VWF: variants seen among roughly 807,000 people sequenced by gnomAD.
The protein encoded by VWF is von Willebrand factor.
In VWF, 176 loss-of-function variants were observed where a neutral mutation model predicts 308.6. The observed-to-expected ratio is 0.57, with a 90% CI of 0.50 to 0.65. VWF has a LOEUF of 0.65. Among genes scored for constraint, VWF ranks in the 30% least tolerant of loss-of-function variants. VWF has a pLI of 0.00. For synonymous variants in VWF, 1,385 were observed against 1,443.4 expected, an observed-to-expected ratio of 0.96 and a Z score of 0.92; for missense variants, 3,146 against 3,648.2, an observed-to-expected ratio of 0.86 and a Z score of 3.55.
chr12:5,991,287 T>C (rs1343138508), intron 38 of VWF, among the ~76,000 whole-genome samples: 1 of 151,926 alleles, frequency 6.6e-6, no homozygotes, highest in African/African-American at 2.4e-5. Context: ...CAGTAGTATA[T>C]TAAAAAGACT....
At chr12:6,123,355 G>C (rs941381645) in intron 1 of VWF, among the ~76,000 whole-genome samples, 159 bp from the exon 2 acceptor site, 5 of 152,106 alleles carry the variant, frequency 3.3e-5, no homozygotes, top group Non-Finnish European at 7.4e-5. Context: ...ATGGACTTCT[G>C]GCCCCCGAAA....
At position 6,012,290 on chromosome 12, in the gene VWF, CT is replaced by C. The variant is rs1944006077; in HGVS notation, c.5621-161del. On this transcript the variant is annotated intron_variant, in intron 32 of 51. Coordinates refer to ENST00000261405, the MANE Select transcript of VWF (RefSeq NM_000552.5). ...ACAGTGGAGACATAGGGACATGAGG[CT>C]GAGGTGGTCATCCTGTGGTTCTTCA... Among the ~76,000 whole-genome samples the C allele has an allele frequency of 3.3e-5, 5 of 152,342 alleles. No homozygotes were observed. In the South Asian group the frequency reaches 1.0e-3, roughly 32 times the overall value.
In VWF at chr12:6,094,962, G is replaced by A. The variant is rs145594286; in HGVS notation, c.657+498C>T. On this transcript the variant is annotated intron_variant, in intron 6 of 51. Transcript: ENST00000261405. The stretch of plus-strand genomic sequence containing the variant: ...GCTAAGCTCCGCCTCCTGGGTTCAC[G>A]TCATTCTCCTGCCTCAGTCTCCCGA... Among the ~76,000 whole-genome samples, 248 of 142,768 alleles carry A rather than the reference G, an allele frequency of 1.7e-3. 3 individuals carry two copies. The highest frequency in any genetic ancestry group is 5.9e-3 in the African/African-American group (228 of 38,808). 93.7% of individuals were successfully genotyped at this position (142,768 alleles called of 152,430 possible).
intron 47 of VWF, among the ~76,000 whole-genome samples, 160 bp downstream of exon 47, chr12:5,967,325 TG>T (rs1010452956): frequency 1.3e-5 from 2 of 152,332 alleles, no homozygotes; most frequent in Non-Finnish European, 2.9e-5. Context: ...GCATGCAGTT[TG>T]GGTGGGTGAT....
In VWF at chr12:6,110,568, T is replaced by C. The variant is rs374854636; in HGVS notation, c.338A>G (p.Tyr113Cys). The change falls in exon 5 of 52, where the codon TAT (tyrosine) becomes TGT (cysteine). Residue 113 changes from tyrosine (Y) to cysteine (C), a missense_variant. This residue lies in a region of VWF where 1,304 missense variants were observed against 1,353.0 expected (regional missense o/e 0.96). Transcript: ENST00000261405. The stretch of plus-strand genomic sequence containing the variant: ...TTCTAGATACAGCCCTTTGGAGGCA[T>C]AGGGCATGGAGACTCTGGAGGGCAA... ...TQGDQRVSMP[Y>C]ASKGLYLETE... 2.0e-5 allele frequency: 32 copies of C among 1,614,016 alleles called. No individual in the cohort carries two copies. Among genetic ancestry groups the C allele is most frequent in the Non-Finnish European group, 2.5e-5 (30 of 1,180,008 alleles).
intron 38 of VWF, 31 bp downstream of exon 38, chr12:5,991,788 C>A: frequency 1.8e-5 from 29 of 1,611,640 alleles, no homozygotes; most frequent in East Asian, 2.2e-5. Flanking sequence ...GGGAAGCAGC[C>A]CCATGGGAAG....
chr12:5,984,657 C>T (rs941295379), intron 40 of VWF, among the ~76,000 whole-genome samples: 2 of 152,224 alleles, frequency 1.3e-5, no homozygotes, highest in Non-Finnish European at 2.9e-5. Context: ...AGCATGAAAA[C>T]CTCTAGCAAA....
At chr12:6,039,878 G>A (rs36077772) in intron 18 of VWF, among the ~76,000 whole-genome samples, 1 of 152,088 alleles carries the variant, frequency 6.6e-6, no homozygotes, top group Non-Finnish European at 1.5e-5. Flanking sequence ...CCACCAAGAG[G>A]CTCCTAATAC....
At chr12:6,076,893 C>G (rs554832871) in intron 6 of VWF, among the ~76,000 whole-genome samples, 2 of 152,296 alleles carry the variant, frequency 1.3e-5, no homozygotes, top group South Asian at 4.1e-4. Flanking sequence ...CATCTGCTCA[C>G]CGTTCTCGAA....
At position 6,019,349 on chromosome 12, in the gene VWF, T is replaced by G; in HGVS notation, c.4069A>C (p.Thr1357Pro). Residue 1357 changes from threonine (T) to proline (P), a missense_variant, in exon 28 of 52, where the codon ACC becomes CCC. By Grantham distance (38) the Thr-to-Pro change is conservative. Around this residue, in one of 3 missense-constraint regions of VWF, gnomAD observed 853 missense variants for 1,177.8 expected, o/e 0.72. Transcript: ENST00000261405. The surrounding 1 kb of genome is among the most constrained non-coding windows in gnomAD (Gnocchi z 5.8). ...AGTGTGTATTTCAAGACCTCGCTGGTGGAGGCCACCTGGCTGCCCGCATAC... is the reference window on the plus strand; with the variant it reads ...AGTGTGTATTTCAAGACCTCGCTGGGGGAGGCCACCTGGCTGCCCGCATAC... ...VKYAGSQVAS[T>P]SEVLKYTLFQ... is the part of the protein sequence containing the mutation. 6.2e-7 allele frequency: 1 copy of G among 1,613,954 alleles called. No homozygotes were observed. The highest frequency in any genetic ancestry group is 8.5e-7 in the Non-Finnish European group (1 of 1,179,868).
chr12:5,964,250 G>GCATACATACATACATACATGCATACATA (rs1943365364), intron 47 of VWF, among the ~76,000 whole-genome samples: 6 of 122,412 alleles, frequency 4.9e-5, no homozygotes, highest in East Asian at 2.0e-4. Context: ...ATACATACAT[G>GCATACATACATACATACATGCATACATA]CATACATACA....
In VWF at chr12:6,060,716, A is replaced by G. The variant is rs984517122; in HGVS notation, c.1533+2238T>C. On this transcript the variant is annotated intron_variant, in intron 13 of 51. Transcript: ENST00000261405. This position sits in a 1 kb window ranked among gnomAD's most constrained non-coding sequence, Gnocchi z 5.1. ...GCTAAACTGACACAAACCCACCCCA[A>G]AGATAACCCTACATCCCCTCCCACA... is the stretch of plus-strand genomic sequence containing the variant. 1.3e-5 allele frequency among the ~76,000 whole-genome samples: 2 copies of G among 152,190 alleles called. No homozygotes were observed. Among genetic ancestry groups the G allele is most frequent in the Non-Finnish European group, 2.9e-5 (2 of 68,028 alleles).
chr12:6,018,883 G>A lies in VWF; in HGVS notation c.4535C>T (p.Ala1512Val), dbSNP rs1267327723. 1.2e-6 allele frequency: 2 copies of A among 1,613,806 alleles called. No individual in the cohort carries two copies. Among genetic ancestry groups the A allele is most frequent in the East Asian group, 2.2e-5 (1 of 44,878 alleles). Residue 1512 changes from alanine to valine, a missense_variant, in exon 28 of 52, where the codon GCC (alanine) becomes GTC (valine). Ala to Val is a moderately conservative substitution (Grantham distance 64). Around this residue, in one of 3 missense-constraint regions of VWF, gnomAD observed 853 missense variants for 1,177.8 expected, o/e 0.72. Coordinates refer to ENST00000261405, the MANE Select transcript of VWF (RefSeq NM_000552.5). ...VLEGSDKIGE[A>V]DFNRSKEFME... ...GAACTCCTTGCTCCTGTTGAAGTCGGCTTCACCAATTTTGTCCGATCCTTC... is the reference window on the plus strand; with the variant it reads ...GAACTCCTTGCTCCTGTTGAAGTCGACTTCACCAATTTTGTCCGATCCTTC...
chr12:5,996,346 T>C, intron 34 of VWF, 124 bp from the exon 35 acceptor site: 1 of 856,338 alleles, frequency 1.2e-6, no homozygotes, highest in Non-Finnish European at 1.9e-6. Flanking sequence ...AACAGGCCCT[T>C]TGAGGTCATA....
At chr12:6,117,358 C>A (rs1945379056) in intron 3 of VWF, among the ~76,000 whole-genome samples, 1 of 152,180 alleles carries the variant, frequency 6.6e-6, no homozygotes, top group Non-Finnish European at 1.5e-5. Flanking sequence ...CTAGCACAAA[C>A]CTGTGTGGAT....
chr12:5,987,557 C>T (rs914228109), intron 38 of VWF, among the ~76,000 whole-genome samples: 8 of 152,122 alleles, frequency 5.3e-5, no homozygotes, highest in South Asian at 2.1e-4. Context: ...TCCTAGCCCT[C>T]GAATGGCTGA....
chr12:5,964,479 G>A (rs1300473265), intron 47 of VWF, among the ~76,000 whole-genome samples: 1 of 152,162 alleles, frequency 6.6e-6, no homozygotes, highest in African/African-American at 2.4e-5. Flanking sequence ...AGCTTTGTGA[G>A]AAACCAACTC....
chr12:6,052,287 C>A (rs1365942368), intron 16 of VWF, among the ~76,000 whole-genome samples: 1 of 152,138 alleles, frequency 6.6e-6, no homozygotes, highest in Non-Finnish European at 1.5e-5. Flanking sequence ...GAAATGGGGG[C>A]CAACACATAA....
intron 17 of VWF, 132 bp from the exon 18 acceptor site, chr12:6,044,583 C>T (rs1358565772): frequency 1.3e-5 from 15 of 1,165,744 alleles, no homozygotes; most frequent in African/African-American, 3.1e-5. Flanking sequence ...CGGGGACCAG[C>T]AGCTGCCTGA....
Sources: gnomAD v4.1 joint callset for allele counts (sites outside exome capture counted in the v4.1 genomes callset) on GRCh38, gnomAD v4.1.1 for gene constraint, gnomAD v4.1.1 regional missense constraint, Gnocchi (gnomAD v3.1) non-coding constraint, MANE v1.5 for transcripts, NCBI Gene and HGNC (gene_info 2026-07-23, HGNC 2026-07-21) for gene names.